PTPRR: variants seen among roughly 807,000 people sequenced by gnomAD.
PTPRR encodes the protein protein tyrosine phosphatase receptor type R.
In PTPRR, 38 loss-of-function variants were observed where a neutral mutation model predicts 77.2. The ratio of observed to expected loss-of-function variants is 0.49; its 90% CI spans 0.38 to 0.65. PTPRR has a LOEUF of 0.65. Among genes scored for constraint, PTPRR ranks in the 30% least tolerant of loss-of-function variants. The pLI is 0.00. For missense variants in PTPRR, 744 were observed against 799.2 expected, an observed-to-expected ratio of 0.93 and a Z score of 0.83; for synonymous variants, 299 against 283.1, an observed-to-expected ratio of 1.06 and a Z score of -0.57.
chr12:70,746,191 C>T lies in PTPRR; in HGVS notation c.739-105G>A, dbSNP rs544113593. On this transcript the variant is annotated intron_variant, in intron 5 of 13. Transcript: ENST00000283228. Reference sequence around the variant, plus strand: ...CCGACAAACCAAAATAAAGGCTTAACGATAAAGTAAACAAAGCCCTCTGAG... The same window carrying T: ...CCGACAAACCAAAATAAAGGCTTAATGATAAAGTAAACAAAGCCCTCTGAG... The T allele has an allele frequency of 4.7e-5, 52 of 1,097,920 alleles. 1 individual carries two copies. In the South Asian group the frequency reaches 6.1e-4, roughly 13 times the overall value. The allele number at this position is 1,097,920 out of a possible 1,614,324, so 68.0% of individuals were successfully genotyped here.
chr12:70,642,463 C>CTTT (rs1886041372), intron 13 of PTPRR, among the ~76,000 whole-genome samples: 1 of 152,138 alleles, frequency 6.6e-6, no homozygotes, highest in South Asian at 2.1e-4. Context: ...TCCCTTACAT[C>CTTT]TTTTTATCTA....
At chr12:70,757,248 G>C (rs996751281) in intron 4 of PTPRR, among the ~76,000 whole-genome samples, 12 of 152,038 alleles carry the variant, frequency 7.9e-5, no homozygotes, top group African/African-American at 2.7e-4. Flanking sequence ...TTAGCACATT[G>C]GACTTTTATT....
chr12:70,682,145 G>A lies in PTPRR; in HGVS notation c.1497+1982C>T, dbSNP rs985214299. ...TGCAAGCTCCGCCTCCCGGGTTCAC[G>A]CCATTCTCCTGCCTCAGCCTCCCGA... On this transcript the variant is annotated intron_variant, in intron 10 of 13. Coordinates refer to ENST00000283228, the MANE Select transcript of PTPRR (RefSeq NM_002849.4). Among the ~76,000 whole-genome samples the A allele has an allele frequency of 6.6e-5, 9 of 136,036 alleles. No individual in the cohort carries two copies. The Admixed American group carries it at 7.6e-4, about 12-fold the overall frequency. 89.2% of individuals were successfully genotyped at this position (136,036 alleles called of 152,430 possible).
intron 6 of PTPRR, among the ~76,000 whole-genome samples, chr12:70,701,909 G>A (rs1356012213): frequency 2.0e-5 from 3 of 152,130 alleles, no homozygotes; most frequent in African/African-American, 7.2e-5. Context: ...GGGGGTTGAG[G>A]CTGCAGTGAG....
rs182345867 is a variant in PTPRR, at chr12:70,703,041, T to C, written c.1008-1718A>G. ...TCCAACCTATTCTTTCCTTCCTTTTTTTTTTTCTACTGGATTTGTCAAAGC... is the reference window on the plus strand; with the variant it reads ...TCCAACCTATTCTTTCCTTCCTTTTCTTTTTTCTACTGGATTTGTCAAAGC... On this transcript the variant is annotated intron_variant, in intron 6 of 13. Coordinates refer to ENST00000283228, the MANE Select transcript of PTPRR (RefSeq NM_002849.4). Among the ~76,000 whole-genome samples, 281 of 152,212 alleles carry C rather than the reference T, an allele frequency of 1.8e-3. 1 individual carries two copies. Among genetic ancestry groups the C allele is most frequent in the African/African-American group, 6.5e-3 (268 of 41,530 alleles).
At chr12:70,866,021 AC>A (rs1892838833) in intron 2 of PTPRR, among the ~76,000 whole-genome samples, 3 of 152,158 alleles carry the variant, frequency 2.0e-5, no homozygotes, top group Non-Finnish European at 4.4e-5. Flanking sequence ...AATCTCTGGG[AC>A]ACATTCAAAG....
At chr12:70,917,691 C>T (rs1010324670) in intron 1 of PTPRR, among the ~76,000 whole-genome samples, 2 of 152,106 alleles carry the variant, frequency 1.3e-5, no homozygotes, top group African/African-American at 4.8e-5. Flanking sequence ...TTTTTCCCCC[C>T]GATGGTGTCT....
At chr12:70,872,589 G>C (rs1327540759) in intron 2 of PTPRR, among the ~76,000 whole-genome samples, 1 of 150,718 alleles carries the variant, frequency 6.6e-6, no homozygotes, top group Admixed American at 6.7e-5. Flanking sequence ...CCAGCTACTC[G>C]GGAGGCTGAG....
intron 2 of PTPRR, among the ~76,000 whole-genome samples, chr12:70,812,473 C>T (rs1039107529): frequency 6.6e-6 from 1 of 152,162 alleles, no homozygotes; most frequent in African/African-American, 2.4e-5. Context: ...CATGCCCACT[C>T]CATTTAATTC....
At chr12:70,829,870 C>A (rs190257121) in intron 2 of PTPRR, among the ~76,000 whole-genome samples, 2 of 152,142 alleles carry the variant, frequency 1.3e-5, no homozygotes, top group African/African-American at 4.8e-5. Context: ...TAGTATCAAG[C>A]TTTATAAGGT....
intron 1 of PTPRR, among the ~76,000 whole-genome samples, chr12:70,905,495 T>G (rs2137131148): frequency 6.6e-6 from 1 of 152,034 alleles, no homozygotes; most frequent in African/African-American, 2.4e-5. Flanking sequence ...ATAAAAGAAC[T>G]TTTATCATAA....
rs547528554 is a variant in PTPRR, at chr12:70,749,323, A to T, written c.739-3237T>A. On this transcript the variant is annotated intron_variant, in intron 5 of 13. Coordinates refer to ENST00000283228, the MANE Select transcript of PTPRR (RefSeq NM_002849.4). ...ATCCACCCATTGCATGTTCTTGGTCAAGTCATTTATTTTTTCTGAATCTTA... is the reference window on the plus strand; with the variant it reads ...ATCCACCCATTGCATGTTCTTGGTCTAGTCATTTATTTTTTCTGAATCTTA... 9.2e-5 allele frequency among the ~76,000 whole-genome samples: 14 copies of T among 152,284 alleles called. No individual in the cohort carries two copies. In the South Asian group the frequency reaches 2.5e-3, roughly 27 times the overall value.
chr12:70,770,869 T>C lies in PTPRR; in HGVS notation c.358-6091A>G, dbSNP rs1359312752. On this transcript the variant is annotated intron_variant, in intron 2 of 13. Transcript: ENST00000283228. ...GTCCTTTGTAGGGACATGGATGAAATTGGAAATCATCATTCTCAGTAAACT... is the reference window on the plus strand; with the variant it reads ...GTCCTTTGTAGGGACATGGATGAAACTGGAAATCATCATTCTCAGTAAACT... Among the ~76,000 whole-genome samples the C allele has an allele frequency of 3.3e-5, 5 of 151,436 alleles. No individual in the cohort carries two copies. In the East Asian group the frequency reaches 5.9e-4, roughly 18 times the overall value.
chr12:70,657,969 G>T (rs1308701430), intron 12 of PTPRR, among the ~76,000 whole-genome samples: 2 of 152,144 alleles, frequency 1.3e-5, no homozygotes, highest in African/African-American at 4.8e-5. Context: ...CAGCTGCTAA[G>T]TTCATCTTTC....
rs115212916 is a variant in PTPRR at position 70,907,321 on chromosome 12, G to A, written c.58+13012C>T. The stretch of plus-strand genomic sequence containing the variant: ...GGGATGATTTTAATCACCTTGTAAA[G>A]TTTCCTCACATGTTTTTTCACATTT... On this transcript the variant is annotated intron_variant, in intron 1 of 13. Coordinates refer to ENST00000283228, the MANE Select transcript of PTPRR (RefSeq NM_002849.4). 5.6e-3 allele frequency among the ~76,000 whole-genome samples: 845 copies of A among 152,230 alleles called. 9 individuals carry two copies. Among genetic ancestry groups the A allele is most frequent in the African/African-American group, 0.02 (815 of 41,542 alleles).
intron 8 of PTPRR, among the ~76,000 whole-genome samples, chr12:70,695,035 A>G (rs1888184096): frequency 6.6e-6 from 1 of 152,200 alleles, no homozygotes; most frequent in Admixed American, 6.5e-5. Context: ...TGACTTTAGC[A>G]TTTTAATCTC....
intron 13 of PTPRR, among the ~76,000 whole-genome samples, chr12:70,651,493 C>T (rs1456918577): frequency 3.9e-5 from 6 of 152,176 alleles, no homozygotes; most frequent in Non-Finnish European, 7.3e-5. Context: ...TGTTTTGTCC[C>T]TCAAATTGTA....
At chr12:70,758,876 GTTTA>G (rs1890622593) in intron 4 of PTPRR, among the ~76,000 whole-genome samples, 1 of 152,108 alleles carries the variant, frequency 6.6e-6, no homozygotes, top group African/African-American at 2.4e-5. Flanking sequence ...TTGTTTTCTT[GTTTA>G]TTTATTTTTC....
chr12:70,854,540 G>T (rs938652755), intron 2 of PTPRR, among the ~76,000 whole-genome samples: 2 of 152,180 alleles, frequency 1.3e-5, no homozygotes, highest in African/African-American at 4.8e-5. Flanking sequence ...TTACTCCAAG[G>T]CTCCTTAGCT....
Sources: gnomAD v4.1 joint callset for allele counts (sites outside exome capture counted in the v4.1 genomes callset) on GRCh38, gnomAD v4.1.1 for gene constraint, MANE v1.5 for transcripts, NCBI Gene and HGNC (gene_info 2026-07-23, HGNC 2026-07-21) for gene names.